The following MAPK10 variants were observed in gnomAD, a reference collection of about 807,000 sequenced individuals.
MAPK10 encodes mitogen-activated protein kinase 10.
A neutral mutation model predicts 59.3 loss-of-function variants in MAPK10; 25 were observed. The ratio of observed to expected loss-of-function variants is 0.42; its 90% CI spans 0.31 to 0.59. The LOEUF is 0.59. MAPK10 is among the 20% of genes least tolerant of loss of function. MAPK10 has a pLI of 0.15. For missense variants in MAPK10, 351 were observed against 568.9 expected (o/e 0.62, Z 3.90); for synonymous variants, 190 against 200.5 (o/e 0.95, Z 0.44).
chr4:86,103,546 C>A (rs2055955433), intron 5 of MAPK10, among the ~76,000 whole-genome samples: 1 of 151,824 alleles, frequency 6.6e-6, no homozygotes, highest in Admixed American at 6.6e-5. Flanking sequence ...AGAATATGGG[C>A]CTTCGGGGGA....
intron 2 of MAPK10, among the ~76,000 whole-genome samples, chr4:86,223,798 C>T (rs75426624): frequency 0.082 from 12,425 of 152,220 alleles, 1,103 homozygotes; most frequent in African/African-American, 0.22. Context: ...TTTGCCCCAA[C>T]CCCCTAACCA....
chr4:86,511,879 G>A (rs1358161249), intron 1 of MAPK10, among the ~76,000 whole-genome samples: 3 of 146,880 alleles, frequency 2.0e-5, no homozygotes, highest in Admixed American at 6.9e-5. Context: ...GAACAAGGAA[G>A]GAAAGAAGGA....
chr4:86,545,095 G>A, intron 1 of MAPK10, among the ~76,000 whole-genome samples: 1 of 152,134 alleles, frequency 6.6e-6, no homozygotes, highest in Non-Finnish European at 1.5e-5. Context: ...GCCAAATAGT[G>A]TCACATGGCT....
intron 1 of MAPK10, among the ~76,000 whole-genome samples, chr4:86,460,629 G>A (rs1027100160): frequency 2.6e-5 from 4 of 152,306 alleles, no homozygotes; most frequent in African/African-American, 4.8e-5. Flanking sequence ...TGACGCCCAC[G>A]CTGGAAGGCT....
chr4:86,355,025 G>T (rs1242304350), intron 1 of MAPK10, among the ~76,000 whole-genome samples: 1 of 152,024 alleles, frequency 6.6e-6, no homozygotes, highest in Non-Finnish European at 1.5e-5. Context: ...TGGAACAATG[G>T]TTACATAGGT....
intron 1 of MAPK10, chr4:86,384,008 T>C (rs1460797548): frequency 1.3e-5 from 2 of 152,192 alleles, no homozygotes; most frequent in African/African-American, 4.8e-5. Context: ...TCATCCTACA[T>C]TTCGAAGCCT....
intron 2 of MAPK10, among the ~76,000 whole-genome samples, chr4:86,350,182 G>A (rs1196509227): frequency 6.6e-6 from 1 of 151,884 alleles, no homozygotes; most frequent in African/African-American, 2.4e-5. Flanking sequence ...CTCCTGAGTA[G>A]CTAGGATTAC....
At chr4:86,023,566 G>A (rs1185772801) in intron 13 of MAPK10, among the ~76,000 whole-genome samples, 2 of 151,884 alleles carry the variant, frequency 1.3e-5, no homozygotes, top group African/African-American at 4.8e-5. Context: ...TAATCCATGA[G>A]CAATGAAATG....
At chr4:86,238,125 T>C (rs987576304) in intron 2 of MAPK10, among the ~76,000 whole-genome samples, 4 of 152,358 alleles carry the variant, frequency 2.6e-5, no homozygotes, top group East Asian at 1.9e-4. Flanking sequence ...TGCTTGTTTT[T>C]GTCAGGTTTG....
chr4:86,113,530 T>G (rs1030792382), intron 4 of MAPK10, among the ~76,000 whole-genome samples: 5 of 152,242 alleles, frequency 3.3e-5, no homozygotes, highest in Admixed American at 6.5e-5. Flanking sequence ...TTTAAGAATG[T>G]TGCATATTGG....
At chr4:86,085,089 G>C (rs2051485910) in intron 9 of MAPK10, among the ~76,000 whole-genome samples, 1 of 152,054 alleles carries the variant, frequency 6.6e-6, no homozygotes, top group Non-Finnish European at 1.5e-5. Context: ...CATATACAAA[G>C]ATCCAATCAA....
At chr4:86,449,929 A>G (rs1246132801) in intron 1 of MAPK10, among the ~76,000 whole-genome samples, 1 of 152,200 alleles carries the variant, frequency 6.6e-6, no homozygotes, top group Non-Finnish European at 1.5e-5. Flanking sequence ...CTTCAGTTCT[A>G]TAACCTCAGG....
At chr4:86,125,183 A>G (rs1373084200) in intron 4 of MAPK10, 1 of 151,888 alleles carries the variant, frequency 6.6e-6, no homozygotes, top group Non-Finnish European at 1.5e-5. Context: ...TCAATATTTC[A>G]AATTTATTAA....
At chr4:86,493,749 G>A (rs927952187) in intron 1 of MAPK10, among the ~76,000 whole-genome samples, 1 of 152,132 alleles carries the variant, frequency 6.6e-6, no homozygotes, top group African/African-American at 2.4e-5. Context: ...GACACAGATA[G>A]TTTTATCAGC....
rs1260049589 is a variant in MAPK10, at chr4:86,093,728, T to G, written c.802+4796A>C. Among the ~76,000 whole-genome samples the G allele has an allele frequency of 9.9e-5, 15 of 152,006 alleles. No homozygotes were observed. In the East Asian group the frequency reaches 2.9e-3, roughly 29 times the overall value. The stretch of plus-strand genomic sequence containing the variant: ...TTCTCCTTGAATCTACCTATTAAAC[T>G]TGCTTTTATTTCTTTACAACCTCAG... On this transcript the variant is annotated intron_variant, in intron 9 of 13. Coordinates refer to ENST00000641462, the MANE Select transcript of MAPK10 (RefSeq NM_138982.4).
chr4:86,220,910 A>G (rs1243844545), intron 2 of MAPK10, among the ~76,000 whole-genome samples: 2 of 152,202 alleles, frequency 1.3e-5, no homozygotes, highest in South Asian at 4.1e-4. Context: ...CGAACAACAT[A>G]AGGGGCTTTT....
At chr4:86,358,476 G>C in intron 1 of MAPK10, 1 of 584,034 alleles carries the variant, frequency 1.7e-6, no homozygotes, top group South Asian at 7.5e-5. Flanking sequence ...CCAGAAGCAG[G>C]CAGGGCTGCT....
At chr4:86,208,202 C>G (rs2084707645) in intron 2 of MAPK10, among the ~76,000 whole-genome samples, 1 of 151,806 alleles carries the variant, frequency 6.6e-6, no homozygotes, top group Non-Finnish European at 1.5e-5. Context: ...CTATTCCAAT[C>G]AATAGAAAAA....
At chr4:86,566,965 G>C (rs1333016585) in intron 1 of MAPK10, among the ~76,000 whole-genome samples, 1 of 152,118 alleles carries the variant, frequency 6.6e-6, no homozygotes, top group East Asian at 1.9e-4. Flanking sequence ...TAGCTACCCA[G>C]GCAGCTGAGG....
Sources: allele counts gnomAD v4.1 joint callset (sites outside exome capture counted in the v4.1 genomes callset), GRCh38; gene constraint gnomAD v4.1.1; transcripts MANE v1.5; gene names NCBI Gene and HGNC (gene_info 2026-07-23, HGNC 2026-07-21).